Variants in CSPP1 observed in about 807,000 individuals in gnomAD.
CSPP1 encodes centrosome and spindle pole-associated protein 1.
In CSPP1, 126 loss-of-function variants were observed where a neutral mutation model predicts 164.4. That is an observed-to-expected ratio of 0.77 (90% CI 0.66 to 0.89). The LOEUF is 0.89. Ranked by LOEUF, CSPP1 falls within the 40% of genes least tolerant of loss-of-function variation. The pLI is 0.00. For synonymous variants in CSPP1, 472 were observed against 476.7 expected, an observed-to-expected ratio of 0.99 and a Z score of 0.13; for missense variants, 1,395 against 1,449.8, an observed-to-expected ratio of 0.96 and a Z score of 0.61.
intron 29 of CSPP1, 82 bp downstream of exon 29, chr8:67,190,841 C>G: frequency 1.0e-6 from 1 of 978,358 alleles, no homozygotes; most frequent in Non-Finnish European, 1.6e-6. Context: ...TCTGTGTGGC[C>G]CAATAAAGAG....
At chr8:67,145,211 A>T (rs1215663286) in intron 17 of CSPP1, among the ~76,000 whole-genome samples, 1 of 152,182 alleles carries the variant, frequency 6.6e-6, no homozygotes, top group Non-Finnish European at 1.5e-5. Context: ...TCATTCAAGG[A>T]AATTATTCAT....
At chr8:67,080,518 C>G (rs188966650) in intron 3 of CSPP1, among the ~76,000 whole-genome samples, 1 of 152,172 alleles carries the variant, frequency 6.6e-6, no homozygotes, top group Non-Finnish European at 1.5e-5. Context: ...TGGAGTTGGA[C>G]CAAACTTCAC....
chr8:67,095,538 C>T lies in CSPP1; in HGVS notation c.729C>T (p.Asn243=), dbSNP rs749026327. ...CAAATGAAGAAGTGGGCATTTCCAA[C>T]CTAAAACATCAAAGGTTTGCAAGCA... ...KKANEEVGIS[N]LKHQRFASKA... Residue 243 remains asparagine (N), a synonymous_variant, in exon 7 of 31, where the codon AAC becomes AAT. Coordinates refer to ENST00000678616, the MANE Select transcript of CSPP1 (RefSeq NM_001382391.1). 2.5e-6 allele frequency: 4 copies of T among 1,613,478 alleles called. No homozygotes were observed. Among genetic ancestry groups the T allele is most frequent in the East Asian group, 2.2e-5 (1 of 44,834 alleles).
intron 21 of CSPP1, among the ~76,000 whole-genome samples, chr8:67,159,459 A>G (rs1827301396): frequency 6.6e-6 from 1 of 151,140 alleles, no homozygotes; most frequent in African/African-American, 2.4e-5. Context: ...GGTTCATGAC[A>G]AGACTAATAC....
intron 15 of CSPP1, among the ~76,000 whole-genome samples, chr8:67,127,395 T>C (rs1377461765): frequency 6.6e-6 from 1 of 152,168 alleles, no homozygotes; most frequent in Non-Finnish European, 1.5e-5. Context: ...GCAAGGTCTC[T>C]GGTCTTTCCC....
intron 29 of CSPP1, among the ~76,000 whole-genome samples, chr8:67,191,781 T>G (rs921411931): frequency 1.2e-4 from 19 of 152,196 alleles, no homozygotes; most frequent in African/African-American, 4.1e-4. Flanking sequence ...AGAAGGAAAT[T>G]GTTGGGTTAT....
At position 67,118,290 on chromosome 8, in the gene CSPP1, T is replaced by C; in HGVS notation, c.1539T>C (p.Ala513=). Residue 513 remains alanine, a synonymous_variant, in exon 14 of 31, where the codon GCT becomes GCC. Transcript: ENST00000678616. ...CACCTCCCCTACTACCACCTTTGGC[T>C]ACTAACTATCGAACTCCTTATGATG... is the stretch of plus-strand genomic sequence containing the variant. ...LPPPPLLPPL[A]TNYRTPYDDA... 1.2e-6 allele frequency: 2 copies of C among 1,613,588 alleles called. No homozygotes were observed. The highest frequency in any genetic ancestry group is 1.7e-6 in the Non-Finnish European group (2 of 1,179,548).
intron 7 of CSPP1, among the ~76,000 whole-genome samples, chr8:67,100,338 T>C (rs931551952): frequency 6.6e-6 from 1 of 152,198 alleles, no homozygotes; most frequent in Non-Finnish European, 1.5e-5. Context: ...TGCTTTACTA[T>C]CTATATACAC....
chr8:67,082,921 C>A (rs1017143262), intron 3 of CSPP1, among the ~76,000 whole-genome samples: 8 of 152,138 alleles, frequency 5.3e-5, no homozygotes, highest in African/African-American at 1.9e-4. Flanking sequence ...AATAAGTAAG[C>A]CTCACCGTGT....
At chr8:67,151,699 CTGTTT>C (rs1197214442) in intron 18 of CSPP1, among the ~76,000 whole-genome samples, 2 of 152,032 alleles carry the variant, frequency 1.3e-5, no homozygotes, top group Non-Finnish European at 1.5e-5. Context: ...CCAAGATGTT[CTGTTT>C]TAAGAATTGA....
chr8:67,155,760 C>T (rs550986338), intron 19 of CSPP1, among the ~76,000 whole-genome samples: 2 of 152,204 alleles, frequency 1.3e-5, no homozygotes, highest in Admixed American at 6.5e-5. Context: ...TTATTCTTGC[C>T]TGGGTGACAG....
intron 1 of CSPP1, among the ~76,000 whole-genome samples, chr8:67,071,191 T>C (rs1806704255): frequency 6.6e-6 from 1 of 152,208 alleles, no homozygotes; most frequent in Non-Finnish European, 1.5e-5. Flanking sequence ...TATATATATA[T>C]ATTTTACAAA....
intron 3 of CSPP1, among the ~76,000 whole-genome samples, chr8:67,079,073 A>AC (rs1238786888): frequency 6.6e-6 from 1 of 152,044 alleles, no homozygotes; most frequent in Non-Finnish European, 1.5e-5. Context: ...AAAGATGGTG[A>AC]CCTCTGCCTT....
rs564501559 is a variant in CSPP1 at position 67,141,679 on chromosome 8, GC to G, written c.1975+4082del. Among the ~76,000 whole-genome samples the G allele has an allele frequency of 4.9e-4, 74 of 152,184 alleles. No individual in the cohort carries two copies. The Middle Eastern group carries it at 0.017, about 35-fold the overall frequency. On this transcript the variant is annotated intron_variant, in intron 17 of 30. Coordinates refer to ENST00000678616, the MANE Select transcript of CSPP1 (RefSeq NM_001382391.1). ...TGGGATTACAGGCATGTGCCACCACGCCCCCCTAATTTTGTGTATTTAGTAA... is the reference window on the plus strand; with the variant it reads ...TGGGATTACAGGCATGTGCCACCACGCCCCCTAATTTTGTGTATTTAGTAA...
rs937351959 is a variant in CSPP1 at position 67,163,343 on chromosome 8, A to AT, written c.2644-380dup. The stretch of plus-strand genomic sequence containing the variant: ...AGTGAGCAATGAAGGATGAGGTAAA[A>AT]TTTTTTTTTAAGAAAGGGAGAGGTT... On this transcript the variant is annotated intron_variant, in intron 22 of 30. Transcript: ENST00000678616. Among the ~76,000 whole-genome samples, 11 of 151,838 alleles carry AT rather than the reference A, an allele frequency of 7.2e-5. No individual in the cohort carries two copies. The East Asian group carries it at 7.7e-4, about 11-fold the overall frequency.
chr8:67,149,717 A>G lies in CSPP1; in HGVS notation c.1976-66A>G, dbSNP rs1825320129. On this transcript the variant is annotated intron_variant, in intron 17 of 30. Coordinates refer to ENST00000678616, the MANE Select transcript of CSPP1 (RefSeq NM_001382391.1). ...CTTTCTGACTTCCTATTTTAAGAAA[A>G]TATATTTTGCATGCCAATTACAGAA... is the stretch of plus-strand genomic sequence containing the variant. 3 of 1,148,778 alleles carry G rather than the reference A, an allele frequency of 2.6e-6. No individual in the cohort carries two copies. The East Asian group carries it at 8.4e-5, about 32-fold the overall frequency. The allele number at this position is 1,148,778 out of a possible 1,614,324, so 71.2% of individuals were successfully genotyped here.
intron 4 of CSPP1, among the ~76,000 whole-genome samples, chr8:67,089,449 A>G (rs1426534347): frequency 6.6e-6 from 1 of 152,324 alleles, no homozygotes. Context: ...TATGTAGACC[A>G]TGTCCAAAAG....
intron 17 of CSPP1, 72 bp from the exon 18 acceptor site, chr8:67,149,711 A>T: frequency 1.8e-6 from 2 of 1,094,024 alleles, no homozygotes; most frequent in Non-Finnish European, 2.5e-6. Context: ...TTCCTATTTT[A>T]AGAAAATATA....
intron 9 of CSPP1, among the ~76,000 whole-genome samples, chr8:67,109,604 T>C (rs1260746110): frequency 6.6e-6 from 1 of 152,180 alleles, no homozygotes; most frequent in African/African-American, 2.4e-5. Context: ...AGTAGCCATC[T>C]TTAAAAAATT....
Sources: allele counts gnomAD v4.1 joint callset (sites outside exome capture counted in the v4.1 genomes callset), GRCh38; gene constraint gnomAD v4.1.1; transcripts MANE v1.5; gene names NCBI Gene and HGNC (gene_info 2026-07-23, HGNC 2026-07-21).